ZDHHC1: variants seen among roughly 807,000 people sequenced by gnomAD.
ZDHHC1 encodes palmitoyltransferase ZDHHC1.
In ZDHHC1, 45 loss-of-function variants were observed where a neutral mutation model predicts 46.9. The observed-to-expected ratio is 0.96, with a 90% CI of 0.76 to 1.23. The LOEUF (loss-of-function observed/expected upper bound fraction) is 1.23, where lower values mean the gene tolerates loss of function less well. Among genes scored for constraint, ZDHHC1 ranks in the 50% most tolerant of loss-of-function variants. The pLI, the probability that ZDHHC1 is intolerant of heterozygous loss-of-function variation, is 0.00. For synonymous variants in ZDHHC1, 291 were observed against 286.0 expected (o/e 1.02, Z -0.18); for missense variants, 649 against 670.8 (o/e 0.97, Z 0.36).
In ZDHHC1 at chr16:67,394,830, T is replaced by A; in HGVS notation, c.1229A>T (p.His410Leu). The A allele has an allele frequency of 6.5e-7, 1 of 1,545,720 alleles. No individual in the cohort carries two copies. The highest frequency in any genetic ancestry group is 8.7e-7 in the Non-Finnish European group (1 of 1,150,264). Reference protein sequence around the residue: ...STDSADASPVHAAGPAGAYHS... With the variant: ...STDSADASPVLAAGPAGAYHS... ...GTAGGCGCCGGCAGGGCCAGCGGCG[T>A]GCACAGGGCTGGCGTCCGCGGAATC... Residue 410 changes from histidine (H) to leucine (L), a missense_variant, in exon 12 of 12, where the codon CAC (histidine) becomes CTC (leucine). Coordinates refer to ENST00000565726, the MANE Select transcript of ZDHHC1 (RefSeq NM_001323627.2).
At chr16:67,400,832 G>A (rs758562485) in intron 4 of ZDHHC1, 125 bp downstream of exon 4, 1 of 1,127,214 alleles carries the variant, frequency 8.9e-7, no homozygotes, top group Non-Finnish European at 1.3e-6. Context: ...ACGCCATCAA[G>A]GTTCTTGACT....
chr16:67,401,135 G>C lies in ZDHHC1; in HGVS notation c.253-3C>G. The C allele has an allele frequency of 1.2e-6, 2 of 1,613,382 alleles. No homozygotes were observed. The highest frequency in any genetic ancestry group is 1.7e-6 in the Non-Finnish European group (2 of 1,179,906). ...CCAGCAAAGATGGCGCCCATGCACT[G>C]GCCCAGCAGGTTAAAGACTCACTCC... On this transcript the variant is annotated splice_polypyrimidine_tract_variant and splice_region_variant and intron_variant, in intron 3 of 11. Transcript: ENST00000565726. This position sits in a 1 kb window ranked among gnomAD's most constrained non-coding sequence, Gnocchi z 4.6.
Position 67,398,244 on chromosome 16 carries a change from C to G in ZDHHC1, c.895G>C (p.Glu299Gln), listed in dbSNP as rs921973283. ...GGCCGCATCTTGGGAGGACATGACTCGAGCTCCCTGTGAACCCCCTTGGCC... is the reference window on the plus strand; with the variant it reads ...GGCCGCATCTTGGGAGGACATGACTGGAGCTCCCTGTGAACCCCCTTGGCC... ...QEAKGVHREL[E>Q]SCPPKMRPIQ... The change falls in exon 8 of 12, where the codon GAG becomes CAG. Residue 299 changes from glutamate to glutamine, a missense_variant. Coordinates refer to ENST00000565726, the MANE Select transcript of ZDHHC1 (RefSeq NM_001323627.2). The G allele has an allele frequency of 6.2e-7, 1 of 1,614,012 alleles. No individual in the cohort carries two copies. Among genetic ancestry groups the G allele is most frequent in the African/African-American group, 1.3e-5 (1 of 74,922 alleles).
intron 1 of ZDHHC1, among the ~76,000 whole-genome samples, chr16:67,412,426 C>T (rs1286233979): frequency 1.3e-5 from 2 of 152,124 alleles, no homozygotes; most frequent in African/African-American, 2.4e-5. Flanking sequence ...GAAACACACT[C>T]GTGTGATCTA....
intron 1 of ZDHHC1, among the ~76,000 whole-genome samples, chr16:67,410,749 T>G (rs1468733536): frequency 6.6e-6 from 1 of 151,900 alleles, no homozygotes; most frequent in African/African-American, 2.4e-5. Context: ...CACTGCAACC[T>G]CCACCTCCCA....
chr16:67,409,942 G>T (rs2040723923), intron 1 of ZDHHC1, among the ~76,000 whole-genome samples: 2 of 139,152 alleles, frequency 1.4e-5, no homozygotes, highest in South Asian at 4.5e-4. Flanking sequence ...CCCATGCAAG[G>T]GCCAGCCATC....
intron 3 of ZDHHC1, among the ~76,000 whole-genome samples, chr16:67,403,615 G>C (rs868397413): frequency 7.0e-6 from 1 of 143,788 alleles, no homozygotes; most frequent in Non-Finnish European, 1.5e-5. Flanking sequence ...TTTGTTTTTT[G>C]TTTTTTTTTT....
At chr16:67,402,484 C>T (rs2040569829) in intron 3 of ZDHHC1, among the ~76,000 whole-genome samples, 1 of 152,196 alleles carries the variant, frequency 6.6e-6, no homozygotes, top group African/African-American at 2.4e-5. Context: ...TACTCCCTGC[C>T]TGCTCCAACT....
intron 1 of ZDHHC1, among the ~76,000 whole-genome samples, chr16:67,412,198 A>C (rs1185304342): frequency 6.6e-6 from 1 of 152,152 alleles, no homozygotes; most frequent in East Asian, 1.9e-4. Flanking sequence ...AAATGCAAGA[A>C]ACCAAACACA....
At chr16:67,411,665 C>A (rs2142262292) in intron 1 of ZDHHC1, among the ~76,000 whole-genome samples, 1 of 151,880 alleles carries the variant, frequency 6.6e-6, no homozygotes, top group South Asian at 2.1e-4. Flanking sequence ...AAAGACAATA[C>A]AAATAAACTA....
At chr16:67,402,759 T>C (rs1020545788) in intron 3 of ZDHHC1, among the ~76,000 whole-genome samples, 26 of 152,156 alleles carry the variant, frequency 1.7e-4, no homozygotes, top group Non-Finnish European at 3.7e-4. Context: ...CCCGAGTAGC[T>C]GGGACTACAG....
In ZDHHC1 at chr16:67,395,008, C is replaced by G. The variant is rs1242370450; in HGVS notation, c.1159G>C (p.Ala387Pro). The stretch of plus-strand genomic sequence containing the variant: ...GACAGGGAGAGGCGCTCACCCGACG[C>G]CGGATCCGAGGTCTCAGACGTTCGC... ...KVRTSETSDP[A>P]SGPRAPSRRS... is the part of the protein sequence containing the mutation. The change falls in exon 11 of 12, where the codon GCG becomes CCG. Residue 387 changes from alanine (A) to proline (P), a missense_variant. Physicochemically the swap from Ala to Pro is conservative, Grantham distance 27. Coordinates refer to ENST00000565726, the MANE Select transcript of ZDHHC1 (RefSeq NM_001323627.2). 3 of 1,610,348 alleles carry G rather than the reference C, an allele frequency of 1.9e-6. No individual in the cohort carries two copies. The highest frequency in any genetic ancestry group is 2.5e-6 in the Non-Finnish European group (3 of 1,178,482).
At chr16:67,402,629 AT>A (rs11402235) in intron 3 of ZDHHC1, among the ~76,000 whole-genome samples, 271 of 144,396 alleles carry the variant, frequency 1.9e-3, no homozygotes, top group East Asian at 6.7e-3. Context: ...AAAACATGGA[AT>A]TTTTTTTTTT....
chr16:67,411,835 G>C (rs902197979), intron 1 of ZDHHC1, among the ~76,000 whole-genome samples: 8 of 152,204 alleles, frequency 5.3e-5, no homozygotes, highest in African/African-American at 1.9e-4. Context: ...AAAGGGGGCC[G>C]GGCGCGGTGG....
intron 3 of ZDHHC1, among the ~76,000 whole-genome samples, chr16:67,405,360 G>A (rs2040634064): frequency 6.6e-6 from 1 of 152,208 alleles, no homozygotes; most frequent in Non-Finnish European, 1.5e-5. Context: ...AGCTCTGAAG[G>A]TGCTGAGCAG....
rs1226765988 is a variant in ZDHHC1 at position 67,416,425 on chromosome 16, G to A, written c.-293C>T. On this transcript the variant is annotated 5_prime_UTR_variant, in exon 1 of 12. Transcript: ENST00000565726. ...TCCGGCTCCGGCTCCGGCTCCAGCA[G>A]GCTGGAGGGGCGGCCAGGCCAGACC... is the stretch of plus-strand genomic sequence containing the variant. 1.0e-5 allele frequency: 2 copies of A among 191,176 alleles called. No homozygotes were observed. Among genetic ancestry groups the A allele is most frequent in the Admixed American group, 6.3e-5 (1 of 15,898 alleles). The allele number at this position is 191,176 out of a possible 1,614,324, so 11.8% of individuals were successfully genotyped here. A position where few individuals can be genotyped will look rare whatever the true frequency, so the allele number is the denominator to read the frequency against.
chr16:67,395,432 C>T, intron 9 of ZDHHC1, 52 bp downstream of exon 9: 7 of 1,548,318 alleles, frequency 4.5e-6, no homozygotes, highest in Non-Finnish European at 4.4e-6. Context: ...CCTCGATGGC[C>T]CTGCCATGCT....
chr16:67,403,737 C>T (rs915725911), intron 3 of ZDHHC1, among the ~76,000 whole-genome samples: 17 of 152,216 alleles, frequency 1.1e-4, no homozygotes, highest in Non-Finnish European at 7.4e-5. Context: ...GCCTGAGCCT[C>T]CCAAGTAACT....
chr16:67,407,930 G>A, intron 1 of ZDHHC1, 117 bp from the exon 2 acceptor site: 1 of 646,882 alleles, frequency 1.5e-6, no homozygotes, highest in South Asian at 1.7e-5. Context: ...TTTCTGCAGG[G>A]TCGTGAACCC....
Sources: allele counts gnomAD v4.1 joint callset (sites outside exome capture counted in the v4.1 genomes callset), GRCh38; gene constraint gnomAD v4.1.1; non-coding constraint Gnocchi (gnomAD v3.1); transcripts MANE v1.5; gene names NCBI Gene and HGNC (gene_info 2026-07-23, HGNC 2026-07-21).